Variants in MBOAT2 observed in about 807,000 individuals in gnomAD.
MBOAT2 encodes the protein membrane bound glycerophospholipid O-acyltransferase 2, also known as membrane-bound glycerophospholipid O-acyltransferase 2.
A neutral mutation model predicts 63.4 loss-of-function variants in MBOAT2; 28 were observed. The ratio of observed to expected loss-of-function variants is 0.44; its 90% CI spans 0.33 to 0.61. MBOAT2 has a LOEUF of 0.61. Ranked by LOEUF, MBOAT2 falls within the 20% of genes least tolerant of loss-of-function variation. The probability of loss-of-function intolerance (pLI) is 0.03; values close to 1 mark genes in which losing one functional copy is unlikely to be tolerated. For synonymous variants in MBOAT2, 211 were observed against 215.6 expected, an observed-to-expected ratio of 0.98 and a Z score of 0.19; for missense variants, 470 against 605.8, an observed-to-expected ratio of 0.78 and a Z score of 2.35.
In MBOAT2 at chr2:8,870,358, A is replaced by G. The variant is rs973254770; in HGVS notation, c.884-1809T>C. On this transcript the variant is annotated intron_variant, in intron 8 of 12. Coordinates refer to ENST00000305997, the MANE Select transcript of MBOAT2 (RefSeq NM_138799.4). The stretch of plus-strand genomic sequence containing the variant: ...CCTAGCCACTAGTATCCATGAAATT[A>G]TAATTTGAAAAATGTACATGTGGAT... Among the ~76,000 whole-genome samples, 7 of 152,252 alleles carry G rather than the reference A, an allele frequency of 4.6e-5. No homozygotes were observed. The South Asian group carries it at 8.3e-4, about 18-fold the overall frequency.
chr2:8,874,817 T>C (rs6721164), intron 7 of MBOAT2, among the ~76,000 whole-genome samples: 4,870 of 152,278 alleles, frequency 0.032, 119 homozygotes, highest in Non-Finnish European at 0.047. Context: ...TCTTGGGTGC[T>C]TGGAAGTCTA....
intron 3 of MBOAT2, among the ~76,000 whole-genome samples, chr2:8,912,349 AAGAG>A (rs1491407070): frequency 5.2e-5 from 4 of 76,504 alleles, no homozygotes; most frequent in East Asian, 4.9e-4. Context: ...GAAAGAAAGA[AAGAG>A]AAAGAAAGAA....
At chr2:8,919,788 C>T (rs1385821664) in intron 3 of MBOAT2, among the ~76,000 whole-genome samples, 6 of 151,980 alleles carry the variant, frequency 3.9e-5, no homozygotes, top group African/African-American at 1.2e-4. Context: ...GACAGGTTCT[C>T]GCTGTTTCCC....
chr2:8,965,043 G>A (rs1203353497), intron 1 of MBOAT2, among the ~76,000 whole-genome samples: 1 of 152,062 alleles, frequency 6.6e-6, no homozygotes, highest in Non-Finnish European at 1.5e-5. Context: ...TTTTCCAATA[G>A]TGATTTCCTT....
intron 7 of MBOAT2, among the ~76,000 whole-genome samples, chr2:8,876,199 G>A (rs535175093): frequency 3.5e-4 from 54 of 152,332 alleles, no homozygotes; most frequent in Non-Finnish European, 5.1e-4. Context: ...GCAATTTCAA[G>A]TGCCCCAGTG....
At chr2:9,000,264 T>C (rs1672591091) in intron 1 of MBOAT2, among the ~76,000 whole-genome samples, 2 of 152,240 alleles carry the variant, frequency 1.3e-5, no homozygotes, top group African/African-American at 4.8e-5. Context: ...GTCTTTTTCC[T>C]GTTGAATCAC....
rs1558550259 is a variant in MBOAT2 at position 8,866,062 on chromosome 2, A to AAT, written c.988-1829_988-1828insAT. On this transcript the variant is annotated intron_variant, in intron 9 of 12. Transcript: ENST00000305997. Reference sequence around the variant, plus strand: ...AAATAAATAAATAAATAAATAAATAAAACCATAAATGATAAAGGCATTTAT... The same window carrying AAT: ...AAATAAATAAATAAATAAATAAATAAATAACCATAAATGATAAAGGCATTTAT... 5.3e-4 allele frequency among the ~76,000 whole-genome samples: 81 copies of AAT among 152,024 alleles called. 1 individual carries two copies. The highest frequency in any genetic ancestry group is 1.4e-3 in the African/African-American group (60 of 41,476).
intron 6 of MBOAT2, among the ~76,000 whole-genome samples, chr2:8,877,827 G>A (rs916098109): frequency 1.4e-4 from 22 of 152,256 alleles, no homozygotes; most frequent in Admixed American, 5.2e-4. Flanking sequence ...GGAATGATGC[G>A]TGAAGACCCC....
chr2:8,933,635 G>C (rs775154218), intron 3 of MBOAT2, among the ~76,000 whole-genome samples: 1 of 152,080 alleles, frequency 6.6e-6, no homozygotes, highest in Non-Finnish European at 1.5e-5. Context: ...GAGCCACCAC[G>C]AATGACATCT....
At chr2:8,972,815 T>C in intron 1 of MBOAT2, among the ~76,000 whole-genome samples, 1 of 151,946 alleles carries the variant, frequency 6.6e-6, no homozygotes, top group South Asian at 2.1e-4. Flanking sequence ...AAAACCACAA[T>C]GAGATACCAT....
chr2:8,999,071 CAT>C (rs1393939427), intron 1 of MBOAT2, among the ~76,000 whole-genome samples: 2 of 152,146 alleles, frequency 1.3e-5, no homozygotes, highest in Non-Finnish European at 2.9e-5. Flanking sequence ...GGATTAGTAA[CAT>C]ATAACCATTC....
rs1027444133 is a variant in MBOAT2, at chr2:8,882,686, T to A, written c.452-121A>T. On this transcript the variant is annotated intron_variant, in intron 5 of 12. Coordinates refer to ENST00000305997, the MANE Select transcript of MBOAT2 (RefSeq NM_138799.4). The stretch of plus-strand genomic sequence containing the variant: ...CATGCTATTATATTCCTAATTTTGA[T>A]ATAATGACTGTTCCTTTCCTTCTCA... 4.7e-6 allele frequency: 4 copies of A among 849,116 alleles called. No homozygotes were observed. The African/African-American group carries it at 5.0e-5, about 11-fold the overall frequency. 52.6% of individuals were successfully genotyped at this position (849,116 alleles called of 1,614,324 possible). A position where few individuals can be genotyped will look rare whatever the true frequency, so the allele number is the denominator to read the frequency against.
chr2:8,939,106 A>G (rs1667870441), intron 3 of MBOAT2, among the ~76,000 whole-genome samples: 3 of 152,208 alleles, frequency 2.0e-5, no homozygotes, highest in Admixed American at 2.0e-4. Context: ...ATGAACCAAT[A>G]CCAACAGCCT....
intron 1 of MBOAT2, chr2:8,974,513 T>C: frequency 2.3e-6 from 1 of 443,320 alleles, no homozygotes; most frequent in Non-Finnish European, 4.6e-6. Context: ...GCCACTGAAT[T>C]AACCAATCCA....
chr2:8,965,890 TA>T (rs889198380), intron 1 of MBOAT2, among the ~76,000 whole-genome samples: 1 of 151,978 alleles, frequency 6.6e-6, no homozygotes, highest in African/African-American at 2.4e-5. Context: ...AATTTTGGAG[TA>T]AAAAAACCTT....
At chr2:8,973,327 C>T (rs1670581672) in intron 1 of MBOAT2, among the ~76,000 whole-genome samples, 1 of 131,984 alleles carries the variant, frequency 7.6e-6, no homozygotes, top group African/African-American at 3.0e-5. Context: ...AATGAGAACA[C>T]TTGGACACAG....
chr2:8,943,294 G>A (rs16866854), intron 2 of MBOAT2, 30 bp from the exon 3 acceptor site: 72,179 of 1,351,066 alleles, frequency 0.053, 2,076 homozygotes, highest in Middle Eastern at 0.07. Flanking sequence ...TATTAGAAGA[G>A]GGATGCCAAG....
At chr2:8,959,652 A>G (rs1263493818) in intron 1 of MBOAT2, among the ~76,000 whole-genome samples, 2 of 151,982 alleles carry the variant, frequency 1.3e-5, no homozygotes, top group African/African-American at 4.8e-5. Flanking sequence ...TTGTAAAGAC[A>G]AAGTGTCACT....
chr2:8,866,829 T>C (rs1661929180), intron 9 of MBOAT2, among the ~76,000 whole-genome samples: 1 of 152,284 alleles, frequency 6.6e-6, no homozygotes, highest in Non-Finnish European at 1.5e-5. Flanking sequence ...CCCTCTAAAT[T>C]TGTAAGTATC....
Sources: allele counts gnomAD v4.1 joint callset (sites outside exome capture counted in the v4.1 genomes callset), GRCh38; gene constraint gnomAD v4.1.1; transcripts MANE v1.5; gene names NCBI Gene and HGNC (gene_info 2026-07-23, HGNC 2026-07-21).